Variants in RNLS observed in about 807,000 individuals in gnomAD.
The protein encoded by RNLS is renalase.
A neutral mutation model predicts 39.8 loss-of-function variants in RNLS; 39 were observed. That is an observed-to-expected ratio of 0.98 (90% confidence interval 0.76 to 1.28). RNLS has a LOEUF of 1.28. RNLS is among the 50% of genes most tolerant of loss of function. The probability of loss-of-function intolerance (pLI) is 0.00; values close to 1 mark genes in which losing one functional copy is unlikely to be tolerated. For synonymous variants in RNLS, 147 were observed against 150.7 expected (o/e 0.98, Z 0.18); for missense variants, 410 against 413.3 (o/e 0.99, Z 0.07).
chr10:88,277,904 T>C (rs1403993039), intron 6 of RNLS, among the ~76,000 whole-genome samples: 2 of 152,222 alleles, frequency 1.3e-5, no homozygotes, highest in African/African-American at 2.4e-5. Context: ...AAATTTATCA[T>C]GTTTTAGCAG....
At chr10:88,212,088 C>T in the RNLS span, among the ~76,000 whole-genome samples, 1 of 152,198 alleles carries the variant, frequency 6.6e-6, no homozygotes, top group Non-Finnish European at 1.5e-5. Context: ...GATTCAAATT[C>T]TACCCACATT....
the RNLS span, among the ~76,000 whole-genome samples, chr10:88,191,226 C>G: frequency 4.5e-4 from 69 of 152,222 alleles, no homozygotes; most frequent in African/African-American, 1.6e-3. Flanking sequence ...CAGCAGCTCC[C>G]TTCTTTGGAT....
chr10:88,313,232 T>C (rs958754422), intron 6 of RNLS, among the ~76,000 whole-genome samples: 1 of 152,204 alleles, frequency 6.6e-6, no homozygotes. Context: ...ATTAATAAAT[T>C]ACGAGAAAGG....
chr10:88,488,233 C>T (rs72820062), intron 4 of RNLS, among the ~76,000 whole-genome samples: 11,394 of 152,020 alleles, frequency 0.075, 592 homozygotes, highest in Admixed American at 0.15. Flanking sequence ...ATATCAAATA[C>T]ACCTCAATGA....
intron 4 of RNLS, among the ~76,000 whole-genome samples, chr10:88,541,444 A>G (rs550513402): frequency 6.6e-6 from 1 of 152,260 alleles, no homozygotes; most frequent in South Asian, 2.1e-4. Flanking sequence ...GAATATCCAC[A>G]TATCCTTTTT....
intron 4 of RNLS, among the ~76,000 whole-genome samples, chr10:88,543,496 A>G (rs1277818548): frequency 6.6e-6 from 1 of 152,204 alleles, no homozygotes; most frequent in Non-Finnish European, 1.5e-5. Context: ...AATTTAGATG[A>G]ACCAATGGGC....
intron 4 of RNLS, among the ~76,000 whole-genome samples, chr10:88,368,956 G>A (rs753276907): frequency 2.6e-5 from 4 of 151,884 alleles, no homozygotes; most frequent in South Asian, 2.1e-4. Context: ...AATAGATCTC[G>A]CTTTGGTTCT....
At chr10:88,537,085 T>C (rs1052836889) in intron 4 of RNLS, among the ~76,000 whole-genome samples, 1 of 152,208 alleles carries the variant, frequency 6.6e-6, no homozygotes, top group African/African-American at 2.4e-5. Flanking sequence ...CTAGGGTTCC[T>C]GAACTTCTAG....
chr10:88,396,126 C>G (rs575602661), intron 4 of RNLS, among the ~76,000 whole-genome samples: 103 of 152,120 alleles, frequency 6.8e-4, no homozygotes, highest in African/African-American at 2.4e-3. Flanking sequence ...GGTCAATAGA[C>G]TATAATTTGA....
chr10:88,365,871 T>C (rs974668636), intron 4 of RNLS, among the ~76,000 whole-genome samples: 1 of 152,122 alleles, frequency 6.6e-6, no homozygotes, highest in African/African-American at 2.4e-5. Flanking sequence ...TCATTTTCTT[T>C]GTTTCCTCAC....
chr10:88,480,579 G>A (rs147399610), intron 4 of RNLS, among the ~76,000 whole-genome samples: 2 of 152,184 alleles, frequency 1.3e-5, no homozygotes, highest in Admixed American at 6.5e-5. Flanking sequence ...GCGTCACCAC[G>A]CCCAGCTAAT....
intron 5 of RNLS, among the ~76,000 whole-genome samples, chr10:88,356,922 C>G (rs754335720): frequency 1.3e-5 from 2 of 152,180 alleles, no homozygotes; most frequent in Non-Finnish European, 2.9e-5. Context: ...TAACACTCCT[C>G]AGATGGTGAC....
At chr10:88,280,856 C>G (rs187279114), downstream of RNLS, among the ~76,000 whole-genome samples, 1 of 152,292 alleles carries the variant, frequency 6.6e-6, no homozygotes, top group Admixed American at 6.5e-5. Flanking sequence ...TGGTTAAGAA[C>G]TGGTCTAAAT....
chr10:88,427,446 T>C (rs943054140), intron 4 of RNLS, among the ~76,000 whole-genome samples: 2 of 152,016 alleles, frequency 1.3e-5, no homozygotes, highest in Admixed American at 1.3e-4. Context: ...CTTTCCAATA[T>C]CTAATATTTG....
intron 5 of RNLS, among the ~76,000 whole-genome samples, chr10:88,355,661 G>A (rs1218973271): frequency 2.0e-5 from 3 of 151,964 alleles, no homozygotes; most frequent in South Asian, 2.1e-4. Flanking sequence ...CGGGGGTCAG[G>A]GGCCCACTTG....
intron 5 of RNLS, among the ~76,000 whole-genome samples, chr10:88,342,974 T>C (rs559766955): frequency 7.2e-5 from 11 of 152,294 alleles, no homozygotes; most frequent in African/African-American, 2.6e-4. Context: ...ATCAGTAGAT[T>C]TGAGTAGCTG....
At chr10:88,482,551 C>T (rs1028441498) in intron 4 of RNLS, among the ~76,000 whole-genome samples, 4 of 152,072 alleles carry the variant, frequency 2.6e-5, no homozygotes, top group African/African-American at 4.8e-5. Flanking sequence ...TGTTGAGTCA[C>T]GTTGTCATAA....
At chr10:88,567,674 TA>T (rs1293407199) in intron 4 of RNLS, among the ~76,000 whole-genome samples, 3 of 152,210 alleles carry the variant, frequency 2.0e-5, no homozygotes, top group Non-Finnish European at 4.4e-5. Context: ...AGGCATCTAA[TA>T]AATATTCCAA....
intron 4 of RNLS, among the ~76,000 whole-genome samples, chr10:88,453,188 T>C (rs922239592): frequency 1.3e-5 from 2 of 152,198 alleles, no homozygotes; most frequent in African/African-American, 4.8e-5. Context: ...GTGGATACCA[T>C]GGAATACTGC....
Sources: allele counts gnomAD v4.1 joint callset (sites outside exome capture counted in the v4.1 genomes callset), GRCh38; gene constraint gnomAD v4.1.1; transcripts MANE v1.5; gene names NCBI Gene and HGNC (gene_info 2026-07-23, HGNC 2026-07-21).